The following RABGAP1 variants were observed in gnomAD, a reference collection of about 807,000 sequenced individuals.
RABGAP1 encodes RAB GTPase activating protein 1, also known as rab GTPase-activating protein 1.
A neutral mutation model predicts 137.6 loss-of-function variants in RABGAP1; 23 were observed. The observed-to-expected ratio is 0.17, with a 90% CI of 0.12 to 0.24. RABGAP1 has a LOEUF of 0.24. Among genes scored for constraint, RABGAP1 ranks in the 10% least tolerant of loss-of-function variants. The pLI, the probability that RABGAP1 is intolerant of heterozygous loss-of-function variation, is 1.00. For synonymous variants in RABGAP1, 451 were observed against 450.7 expected (o/e 1.00, Z -0.01); for missense variants, 906 against 1,275.8 (o/e 0.71, Z 4.42).
intron 19 of RABGAP1, among the ~76,000 whole-genome samples, chr9:123,087,864 G>A (rs1292730959): frequency 6.6e-6 from 1 of 152,106 alleles, no homozygotes; most frequent in Non-Finnish European, 1.5e-5. Context: ...GCAAATGTGG[G>A]CCTATCCTGT....
chr9:123,042,991 C>T (rs2033024770), intron 13 of RABGAP1, among the ~76,000 whole-genome samples: 1 of 151,966 alleles, frequency 6.6e-6, no homozygotes, highest in Non-Finnish European at 1.5e-5. Context: ...CTTTTTGCCA[C>T]AATAAAGCTA....
rs199909145 is a variant in RABGAP1, at chr9:123,005,301, CT to C, written c.1375-5043del. On this transcript the variant is annotated intron_variant, in intron 10 of 25. Transcript: ENST00000373647. ...TAGGGGCTTGGGATTTTTTTTTTTC[CT>C]TTTTTTTTTGAATATATAAAATACT... Among the ~76,000 whole-genome samples the C allele has an allele frequency of 3.6e-3, 493 of 135,776 alleles. 5 individuals carry two copies. Among genetic ancestry groups the C allele is most frequent in the African/African-American group, 0.012 (444 of 37,216 alleles). The allele number at this position is 135,776 out of a possible 152,430, so 89.1% of individuals were successfully genotyped here.
Position 122,986,364 on chromosome 9 carries a change from C to G in RABGAP1, c.535C>G (p.Gln179Glu), listed in dbSNP as rs756445946. ...RMMSILRSQCQISLDVTLSVP... is the reference protein window; with the variant it reads ...RMMSILRSQCEISLDVTLSVP... ...GATGTCCATCTTAAGAAGCCAGTGT[C>G]AGATTTCACTAGATGTTACCCTTTC... The change falls in exon 4 of 26, where the codon CAG becomes GAG. Residue 179 changes from glutamine (Q) to glutamate (E), a missense_variant. Physicochemically the swap from Gln to Glu is conservative, Grantham distance 29. This residue lies in a region of RABGAP1 where 331 missense variants were observed against 358.3 expected (regional missense o/e 0.92). Transcript: ENST00000373647. The G allele has an allele frequency of 6.2e-7, 1 of 1,614,144 alleles. No homozygotes were observed. Among genetic ancestry groups the G allele is most frequent in the Admixed American group, 1.7e-5 (1 of 60,028 alleles).
At chr9:122,952,606 C>T (rs1395201290) in intron 1 of RABGAP1, among the ~76,000 whole-genome samples, 1 of 152,070 alleles carries the variant, frequency 6.6e-6, no homozygotes, top group African/African-American at 2.4e-5. Context: ...CATGGTGGCA[C>T]ACACTTGTGG....
intron 10 of RABGAP1, among the ~76,000 whole-genome samples, chr9:122,999,349 A>ATT (rs748884431): frequency 6.9e-6 from 1 of 145,230 alleles, no homozygotes; most frequent in Non-Finnish European, 1.5e-5. Flanking sequence ...TGCCCGGCTA[A>ATT]TTTTTTTTTT....
At chr9:123,038,219 C>T (rs1271030806) in intron 13 of RABGAP1, among the ~76,000 whole-genome samples, 3 of 151,932 alleles carry the variant, frequency 2.0e-5, no homozygotes, top group Non-Finnish European at 4.4e-5. Flanking sequence ...GTTTTTTTCA[C>T]GGGCCTATTG....
At chr9:122,935,783 G>A in the RABGAP1 span, among the ~76,000 whole-genome samples, 2 of 152,180 alleles carry the variant, frequency 1.3e-5, no homozygotes, top group African/African-American at 4.8e-5. Context: ...ATGGCTTTGA[G>A]TTACTATTGA....
intron 25 of RABGAP1, among the ~76,000 whole-genome samples, chr9:123,102,016 A>C (rs556615106): frequency 6.6e-6 from 1 of 152,186 alleles, no homozygotes; most frequent in South Asian, 2.1e-4. Context: ...TGGGATGAGA[A>C]GACAGTGCTT....
chr9:122,996,858 G>A (rs2131816241), intron 8 of RABGAP1: 2 of 466,142 alleles, frequency 4.3e-6, no homozygotes, highest in Non-Finnish European at 3.9e-6. Flanking sequence ...TACAGTTGAT[G>A]TGATAATCAA....
chr9:123,008,603 T>C (rs905308394), intron 10 of RABGAP1, among the ~76,000 whole-genome samples: 1 of 151,766 alleles, frequency 6.6e-6, no homozygotes, highest in African/African-American at 2.4e-5. Flanking sequence ...ATACCAATTG[T>C]CTGATGTTTC....
intron 13 of RABGAP1, among the ~76,000 whole-genome samples, chr9:123,058,173 T>C (rs1479974151): frequency 2.0e-5 from 3 of 152,202 alleles, no homozygotes; most frequent in Admixed American, 2.0e-4. Context: ...ACCTTGTTTA[T>C]AGCAAAAGGG....
At chr9:123,013,664 A>G (rs979827706) in intron 11 of RABGAP1, among the ~76,000 whole-genome samples, 10 of 152,116 alleles carry the variant, frequency 6.6e-5, no homozygotes, top group Admixed American at 5.9e-4. Flanking sequence ...TTATTCATCC[A>G]TATATAGAAG....
intron 19 of RABGAP1, among the ~76,000 whole-genome samples, chr9:123,089,351 A>G (rs962363525): frequency 1.3e-5 from 2 of 152,188 alleles, no homozygotes; most frequent in African/African-American, 4.8e-5. Flanking sequence ...TAACTTGCCT[A>G]TAAGATGAGG....
chr9:122,974,197 G>A (rs539973212), intron 2 of RABGAP1, among the ~76,000 whole-genome samples: 6 of 152,092 alleles, frequency 3.9e-5, no homozygotes, highest in African/African-American at 7.2e-5. Context: ...AGGTATGAGC[G>A]AACTGTGTGA....
At chr9:123,034,399 C>T in intron 13 of RABGAP1, 1 of 606,328 alleles carries the variant, frequency 1.6e-6, no homozygotes, top group Non-Finnish European at 2.9e-6. Flanking sequence ...AGGGGAATTG[C>T]ACTGCAGGCA....
chr9:123,052,885 A>G (rs2033547538), intron 13 of RABGAP1, among the ~76,000 whole-genome samples: 1 of 152,250 alleles, frequency 6.6e-6, no homozygotes, highest in Admixed American at 6.5e-5. Context: ...GGTTGCAGTG[A>G]GCCAAGATCA....
intron 10 of RABGAP1, among the ~76,000 whole-genome samples, chr9:123,000,041 C>A (rs537893359): frequency 1.3e-5 from 2 of 151,364 alleles, no homozygotes; most frequent in South Asian, 4.2e-4. Context: ...CTCTTGATTT[C>A]CTGTTTGTTC....
At chr9:122,976,964 T>A (rs1835792658) in intron 2 of RABGAP1, among the ~76,000 whole-genome samples, 1 of 152,126 alleles carries the variant, frequency 6.6e-6, no homozygotes, top group Non-Finnish European at 1.5e-5. Flanking sequence ...TATGGGTGCT[T>A]GAAAGTTTAT....
chr9:122,981,099 G>A (rs558024668), intron 2 of RABGAP1, among the ~76,000 whole-genome samples: 52 of 152,076 alleles, frequency 3.4e-4, no homozygotes, highest in African/African-American at 1.2e-3. Flanking sequence ...GTGCAGTGGC[G>A]CGATCTTGGC....
Sources: gnomAD v4.1 joint callset for allele counts (sites outside exome capture counted in the v4.1 genomes callset) on GRCh38, gnomAD v4.1.1 for gene constraint, gnomAD v4.1.1 regional missense constraint, MANE v1.5 for transcripts, NCBI Gene and HGNC (gene_info 2026-07-23, HGNC 2026-07-21) for gene names.